The following TXNDC16 variants were observed in gnomAD, a reference collection of about 807,000 sequenced individuals.
TXNDC16 encodes thioredoxin domain-containing protein 16.
Under a neutral mutation model 85.6 loss-of-function variants are expected in TXNDC16, and 74 were observed. That is an observed-to-expected ratio of 0.86 (90% CI 0.72 to 1.05). TXNDC16 has a LOEUF of 1.05. TXNDC16 is among the 50% of genes least tolerant of loss of function. The pLI is 0.00. For synonymous variants in TXNDC16, 335 were observed against 326.5 expected (o/e 1.03, Z -0.28); for missense variants, 959 against 947.0 (o/e 1.01, Z -0.17).
At chr14:52,509,392 C>T (rs2036898621) in intron 9 of TXNDC16, among the ~76,000 whole-genome samples, 1 of 151,992 alleles carries the variant, frequency 6.6e-6, no homozygotes, top group Non-Finnish European at 1.5e-5. Flanking sequence ...GTGAACTGTC[C>T]TTTCTCTTTC....
intron 6 of TXNDC16, among the ~76,000 whole-genome samples, chr14:52,528,215 G>T (rs1435142279): frequency 2.0e-5 from 3 of 152,046 alleles, no homozygotes; most frequent in Admixed American, 1.3e-4. Flanking sequence ...TAGGTCACTG[G>T]TCTCAAGCAA....
intron 6 of TXNDC16, among the ~76,000 whole-genome samples, chr14:52,524,517 G>A (rs2037281653): frequency 6.6e-6 from 1 of 150,762 alleles, no homozygotes; most frequent in African/African-American, 2.4e-5. Context: ...TTATTTTTTT[G>A]AGGGTCTTGC....
In TXNDC16 at chr14:52,530,434, TATATA is replaced by T. The variant is rs2037511288; in HGVS notation, c.392+6280_392+6284del. On this transcript the variant is annotated intron_variant, in intron 6 of 20. Coordinates refer to ENST00000281741, the MANE Select transcript of TXNDC16 (RefSeq NM_020784.3). ...TATTATATAATATTATATATAATAATATATAATATATTATTATATAATAATATATA... is the reference window on the plus strand; with the variant it reads ...TATTATATAATATTATATATAATAATATATATTATTATATAATAATATATA... Among the ~76,000 whole-genome samples, 8 of 16,184 alleles carry T rather than the reference TATATA, an allele frequency of 4.9e-4. No homozygotes were observed. In the East Asian group the frequency reaches 0.017, roughly 34 times the overall value. 10.6% of individuals were successfully genotyped at this position (16,184 alleles called of 152,430 possible).
rs760233550 is a variant in TXNDC16 at position 52,514,847 on chromosome 14, T to C, written c.605+33A>G. On this transcript the variant is annotated intron_variant, in intron 8 of 20. Coordinates refer to ENST00000281741, the MANE Select transcript of TXNDC16 (RefSeq NM_020784.3). ...ATAAGTGAAGAAGAAAAAAAAAACC[T>C]TTAAATTGTTGACATATGCTTTTTA... 25 of 1,504,376 alleles carry C rather than the reference T, an allele frequency of 1.7e-5. No homozygotes were observed. The Admixed American group carries it at 5.1e-4, about 31-fold the overall frequency. 93.2% of individuals were successfully genotyped at this position (1,504,376 alleles called of 1,614,324 possible). A position where few individuals can be genotyped will look rare whatever the true frequency, so the allele number is the denominator to read the frequency against.
chr14:52,457,063 CTAAAAT>C, intron 17 of TXNDC16, 21 bp downstream of exon 17: 1 of 1,456,078 alleles, frequency 6.9e-7, no homozygotes, highest in Non-Finnish European at 9.4e-7. Flanking sequence ...TTCTCCCTCC[CTAAAAT>C]TAAAAGAGCA....
At chr14:52,463,346 A>G (rs1427332106) in intron 16 of TXNDC16, among the ~76,000 whole-genome samples, 4 of 151,914 alleles carry the variant, frequency 2.6e-5, no homozygotes, top group Non-Finnish European at 4.4e-5. Flanking sequence ...CCATTTGGTC[A>G]CTCTATGCTT....
chr14:52,465,762 T>C (rs1376632426), intron 16 of TXNDC16, among the ~76,000 whole-genome samples: 1 of 152,024 alleles, frequency 6.6e-6, no homozygotes, highest in Admixed American at 6.6e-5. Context: ...AAGAGATAAA[T>C]AAAGAGTAAC....
chr14:52,514,945 A>T lies in TXNDC16; in HGVS notation c.540T>A (p.Ala180=). The T allele has an allele frequency of 2.5e-6, 4 of 1,612,788 alleles. No homozygotes were observed. The highest frequency in any genetic ancestry group is 3.4e-6 in the Non-Finnish European group (4 of 1,179,106). ...IPEHRAVMEA[A]FVYGTTYQFV... ...ATTGGTATGTAGTCCCATACACAAA[A>T]GCGGCTTCCATGACTGCTCTGTGCT... Residue 180 remains alanine, a synonymous_variant, in exon 8 of 21, where the codon GCT becomes GCA. Transcript: ENST00000281741.
At chr14:52,493,210 T>C (rs534321178) in intron 9 of TXNDC16, among the ~76,000 whole-genome samples, 35,998 of 118,886 alleles carry the variant, frequency 0.3, 4,879 homozygotes, top group East Asian at 0.47. Context: ...TATATATATA[T>C]ATATATACAC....
intron 6 of TXNDC16, among the ~76,000 whole-genome samples, chr14:52,519,786 C>T (rs1415893754): frequency 6.6e-6 from 1 of 152,190 alleles, no homozygotes; most frequent in African/African-American, 2.4e-5. Flanking sequence ...GGAAGCTATT[C>T]CTTTTGCTCC....
chr14:52,494,330 G>GT (rs761332364), intron 9 of TXNDC16, among the ~76,000 whole-genome samples: 1 of 152,116 alleles, frequency 6.6e-6, no homozygotes, highest in Non-Finnish European at 1.5e-5. Context: ...ACACACTCAA[G>GT]TAAGATTCTC....
intron 8 of TXNDC16, among the ~76,000 whole-genome samples, chr14:52,512,008 G>C (rs996023283): frequency 6.6e-6 from 1 of 152,074 alleles, no homozygotes; most frequent in African/African-American, 2.4e-5. Flanking sequence ...AATTAAAATA[G>C]CATTTTAGAA....
At chr14:52,549,490 G>A (rs2038002454) in intron 1 of TXNDC16, among the ~76,000 whole-genome samples, 2 of 152,186 alleles carry the variant, frequency 1.3e-5, no homozygotes, top group East Asian at 3.9e-4. Context: ...GAAAACGCTA[G>A]TCTTCTTGTA....
rs187124930 is a variant in TXNDC16 at position 52,548,668 on chromosome 14, G to A, written c.-182+3648C>T. Among the ~76,000 whole-genome samples the A allele has an allele frequency of 4.4e-4, 67 of 152,216 alleles. 1 individual carries two copies. The East Asian group carries it at 9.3e-3, about 21-fold the overall frequency. On this transcript the variant is annotated intron_variant, in intron 1 of 20. Coordinates refer to ENST00000281741, the MANE Select transcript of TXNDC16 (RefSeq NM_020784.3). ...AGGCCGAGACGGGTGGATCACCTGA[G>A]GTCAGGAGTTCGAGACCAGCCTGGC...
chr14:52,455,323 CAAACATTTCCAGTAGTG>C lies in TXNDC16; in HGVS notation c.1826_1842del (p.Leu610GlyfsTer23). The C allele has an allele frequency of 6.2e-7, 1 of 1,613,382 alleles. No homozygotes were observed. Among genetic ancestry groups the C allele is most frequent in the African/African-American group, 1.3e-5 (1 of 75,012 alleles). ...TCACCCTTATTATAAAACATACTCA[CAAACATTTCCAGTAGTG>C]CATCTGTTATTATTTGAACTATGTC... On this transcript the variant is annotated frameshift_variant and splice_region_variant, in exon 18 of 21. Transcript: ENST00000281741. LOFTEE classifies it high-confidence loss of function.
At chr14:52,480,790 T>C (rs889516202) in intron 14 of TXNDC16, among the ~76,000 whole-genome samples, 2 of 151,568 alleles carry the variant, frequency 1.3e-5, no homozygotes, top group Non-Finnish European at 3.0e-5. Context: ...TAAAAGGAAC[T>C]TGATCCAGCA....
intron 9 of TXNDC16, among the ~76,000 whole-genome samples, chr14:52,501,966 A>C (rs1379372102): frequency 9.2e-5 from 14 of 152,198 alleles, no homozygotes; most frequent in Non-Finnish European, 5.9e-5. Context: ...AGTCTCAAGG[A>C]ATCTTTCGAG....
Position 52,543,548 on chromosome 14 carries a change from C to A in TXNDC16, c.10G>T (p.Gly4Cys). The change falls in exon 3 of 21, where the codon GGC (glycine) becomes TGC (cysteine). Residue 4 changes from glycine to cysteine, a missense_variant. By Grantham distance (159) the Gly-to-Cys change is radical. Coordinates refer to ENST00000281741, the MANE Select transcript of TXNDC16 (RefSeq NM_020784.3). ...ATCCCAACTCTAAAGACATTGAAGC[C>A]GGAAAACATTATCAGCTGCAGTTGT... MFS[G>C]FNVFRVGISF... is the part of the protein sequence containing the mutation. 1 of 1,612,744 alleles carries A rather than the reference C, an allele frequency of 6.2e-7. No individual in the cohort carries two copies. Among genetic ancestry groups the A allele is most frequent in the Non-Finnish European group, 8.5e-7 (1 of 1,179,402 alleles).
Position 52,542,420 on chromosome 14 carries a change from A to AGTTCTTCAAGAAATACAGAT in TXNDC16, c.174_193dup (p.Leu65HisfsTer8), listed in dbSNP as rs749706973. On this transcript the variant is annotated frameshift_variant, in exon 4 of 21. Coordinates refer to ENST00000281741, the MANE Select transcript of TXNDC16 (RefSeq NM_020784.3). LOFTEE classifies it high-confidence loss of function. Reference sequence around the variant, plus strand: ...CTGCAGAGGTCTAACAGCCTCATTCAGTTCTTCAAGAAATACAGATGTTCT... The same window carrying AGTTCTTCAAGAAATACAGAT: ...CTGCAGAGGTCTAACAGCCTCATTCAGTTCTTCAAGAAATACAGATGTTCTTCAAGAAATACAGATGTTCT... The AGTTCTTCAAGAAATACAGAT allele has an allele frequency of 1.2e-6, 2 of 1,612,716 alleles. No homozygotes were observed. The highest frequency in any genetic ancestry group is 8.5e-7 in the Non-Finnish European group (1 of 1,179,278).
Sources: allele counts gnomAD v4.1 joint callset (sites outside exome capture counted in the v4.1 genomes callset), GRCh38; gene constraint gnomAD v4.1.1; transcripts MANE v1.5; gene names NCBI Gene and HGNC (gene_info 2026-07-23, HGNC 2026-07-21).